The following WDR62 variants were observed in gnomAD, a reference collection of about 807,000 sequenced individuals.
The protein encoded by WDR62 is WD repeat-containing protein 62.
In WDR62, 112 loss-of-function variants were observed where a neutral mutation model predicts 160.6. The ratio of observed to expected loss-of-function variants is 0.70; its 90% confidence interval spans 0.60 to 0.82. WDR62 has a LOEUF of 0.82. Ranked by LOEUF, WDR62 falls within the 40% of genes least tolerant of loss-of-function variation. The pLI is 0.00. For missense variants in WDR62, 1,819 were observed against 1,983.8 expected, an observed-to-expected ratio of 0.92 and a Z score of 1.58; for synonymous variants, 792 against 815.1, an observed-to-expected ratio of 0.97 and a Z score of 0.48.
intron 3 of WDR62, among the ~76,000 whole-genome samples, chr19:36,063,340 C>G (rs1350084192): frequency 6.6e-6 from 1 of 152,122 alleles, no homozygotes; most frequent in African/African-American, 2.4e-5. Flanking sequence ...GCCTCCACCT[C>G]CTGGGTTCAA....
intron 17 of WDR62, 29 bp downstream of exon 17, chr19:36,091,340 T>TGGCCC: frequency 1.9e-6 from 3 of 1,579,140 alleles, no homozygotes; most frequent in South Asian, 1.1e-5. Context: ...TTGGGATGCC[T>TGGCCC]CCCCACCCGC....
At chr19:36,098,601 A>G (rs1973123685) in intron 21 of WDR62, among the ~76,000 whole-genome samples, 1 of 151,800 alleles carries the variant, frequency 6.6e-6, no homozygotes, top group African/African-American at 2.4e-5. Flanking sequence ...GGATTATAAG[A>G]GACAGAATAA....
chr19:36,079,948 A>G (rs114600436), intron 9 of WDR62, among the ~76,000 whole-genome samples: 12 of 152,250 alleles, frequency 7.9e-5, no homozygotes, highest in African/African-American at 2.9e-4. Flanking sequence ...TGCCGCTACT[A>G]TCATCTTCCC....
intron 20 of WDR62, among the ~76,000 whole-genome samples, chr19:36,094,685 G>T (rs958830647): frequency 2.6e-5 from 4 of 151,174 alleles, no homozygotes; most frequent in African/African-American, 7.3e-5. Context: ...AGGCCAGGAG[G>T]TCGAGACCAG....
downstream of WDR62, among the ~76,000 whole-genome samples, chr19:36,107,425 G>C (rs1010930076): frequency 6.6e-6 from 1 of 152,168 alleles, no homozygotes; most frequent in African/African-American, 2.4e-5. Context: ...GGGGCTCACA[G>C]AGGGTGACAG....
At position 36,081,506 on chromosome 19, in the gene WDR62, C is replaced by T. The variant is rs1273234034; in HGVS notation, c.1307C>T (p.Thr436Ile). 2.5e-6 allele frequency: 4 copies of T among 1,614,074 alleles called. No homozygotes were observed. Among genetic ancestry groups the T allele is most frequent in the African/African-American group, 1.3e-5 (1 of 74,918 alleles). The change falls in exon 10 of 32, where the codon ACC (threonine) becomes ATC (isoleucine). Residue 436 changes from threonine to isoleucine, a missense_variant. Physicochemically the swap from Thr to Ile is moderately conservative, Grantham distance 89 (BLOSUM62 -1). Coordinates refer to ENST00000401500, the MANE Select transcript of WDR62 (RefSeq NM_001083961.2). The part of the protein sequence containing the change: ...GSFLTCSSDN[T>I]IRFWNLDSSP... Reference sequence around the variant, plus strand: ...TTTCTGACTTGTTCTTCAGACAACACCATTCGCTTCTGGAACTTGGACAGC... The same window carrying T: ...TTTCTGACTTGTTCTTCAGACAACATCATTCGCTTCTGGAACTTGGACAGC...
rs181935985 is a variant in WDR62 at position 36,097,190 on chromosome 19, C to G, written c.2520+111C>G. On this transcript the variant is annotated intron_variant, in intron 21 of 31. Coordinates refer to ENST00000401500, the MANE Select transcript of WDR62 (RefSeq NM_001083961.2). ...CATGTCCCTCTTTTCCCTGGAGAAG[C>G]CCTGTCATCCTTCCAGGCTCAGTGA... 3.7e-5 allele frequency: 38 copies of G among 1,024,820 alleles called. No homozygotes were observed. The Admixed American group carries it at 4.6e-4, about 12-fold the overall frequency. The allele number at this position is 1,024,820 out of a possible 1,614,324, so 63.5% of individuals were successfully genotyped here. A position where few individuals can be genotyped will look rare whatever the true frequency, so the allele number is the denominator to read the frequency against.
intron 21 of WDR62, 145 bp from the exon 22 acceptor site, chr19:36,099,254 G>C: frequency 1.6e-6 from 1 of 635,114 alleles, no homozygotes; most frequent in Non-Finnish European, 2.8e-6. Flanking sequence ...ACAGAGAAAG[G>C]TTCACGCTGG....
chr19:36,104,607 A>AGCAGGGTGGGGAACATCTTGC lies in WDR62; in HGVS notation c.4244_4264dup (p.Leu1421_His1422insArgArgValGlyAsnIleLeu). On this transcript the variant is annotated inframe_insertion, in exon 31 of 32. Coordinates refer to ENST00000401500, the MANE Select transcript of WDR62 (RefSeq NM_001083961.2). ...CCTGCCCCCATCTCCCCTTGAGCTG[A>AGCAGGGTGGGGAACATCTTGC]GCAGGGTGGGGAACATCTTGCACAG... 6.2e-7 allele frequency: 1 copy of AGCAGGGTGGGGAACATCTTGC among 1,613,342 alleles called. No homozygotes were observed. The highest frequency in any genetic ancestry group is 8.5e-7 in the Non-Finnish European group (1 of 1,179,810).
At chr19:36,102,193 C>T (rs1460028075) in intron 26 of WDR62, 42 bp downstream of exon 26, 1 of 1,613,620 alleles carries the variant, frequency 6.2e-7, no homozygotes, top group Non-Finnish European at 8.5e-7. Context: ...GCCGTCTGTG[C>T]AGCCTGGGCA....
chr19:36,111,142 G>A, the WDR62 span: 2 of 1,374,860 alleles, frequency 1.5e-6, 1 homozygote, highest in South Asian at 2.6e-5. Context: ...TAGTCATCCT[G>A]GGGCTGAGGT....
intron 9 of WDR62, chr19:36,075,040 CT>C (rs368894000): frequency 3.5e-4 from 52 of 146,668 alleles, no homozygotes; most frequent in Admixed American, 1.8e-3. Flanking sequence ...TCTTCTCTCT[CT>C]TTTTTTTTTT....
chr19:36,108,952 T>C (rs1355012519), downstream of WDR62, among the ~76,000 whole-genome samples: 2 of 151,972 alleles, frequency 1.3e-5, no homozygotes, highest in African/African-American at 4.8e-5. Context: ...GTGAGCTACA[T>C]GGATCTTCAA....
intron 30 of WDR62, 107 bp from the exon 31 acceptor site, chr19:36,104,411 G>T: frequency 6.9e-7 from 1 of 1,439,694 alleles, no homozygotes; most frequent in East Asian, 2.3e-5. Context: ...TGGGGACCCA[G>T]AGAAGTGTTC....
the WDR62 span, chr19:36,111,084 GA>G: frequency 1.0e-6 from 1 of 955,094 alleles, no homozygotes; most frequent in Non-Finnish European, 1.5e-6. Context: ...AAATTTGCAT[GA>G]AGAGAATGAG....
At chr19:36,105,749 A>G (rs949705426), downstream of WDR62, among the ~76,000 whole-genome samples, 4 of 152,010 alleles carry the variant, frequency 2.6e-5, no homozygotes, top group Admixed American at 2.0e-4. Flanking sequence ...TCCAGGCTAG[A>G]GTGCAGTGGT....
At chr19:36,099,009 G>A (rs1241293329) in intron 21 of WDR62, among the ~76,000 whole-genome samples, 2 of 152,030 alleles carry the variant, frequency 1.3e-5, no homozygotes, top group Non-Finnish European at 2.9e-5. Context: ...ATCACTTGAG[G>A]TCAGCAGTTT....
chr19:36,067,503 A>G (rs1971004577), intron 6 of WDR62, 60 bp downstream of exon 6: 2 of 1,609,796 alleles, frequency 1.2e-6, no homozygotes, highest in Non-Finnish European at 1.7e-6. Flanking sequence ...CGGTGGCAGC[A>G]TGGTCTCCTG....
chr19:36,085,459 C>T (rs1473504945), intron 12 of WDR62, among the ~76,000 whole-genome samples: 3 of 122,118 alleles, frequency 2.5e-5, no homozygotes, highest in East Asian at 3.0e-4. Context: ...CTCACTCTGT[C>T]GCCCTGGCCG....
Sources: allele counts gnomAD v4.1 joint callset (sites outside exome capture counted in the v4.1 genomes callset), GRCh38; gene constraint gnomAD v4.1.1; transcripts MANE v1.5; gene names NCBI Gene and HGNC (gene_info 2026-07-23, HGNC 2026-07-21).